The following RBFOX1 variants were observed in gnomAD, a reference collection of about 807,000 sequenced individuals.
RBFOX1 encodes RNA binding fox-1 homolog 1, also known as RNA binding protein fox-1 homolog 1.
In RBFOX1, 8 loss-of-function variants were observed where a neutral mutation model predicts 57.7. The ratio of observed to expected loss-of-function variants is 0.14; its 90% CI spans 0.08 to 0.25. RBFOX1 has a LOEUF of 0.25. Among genes scored for constraint, RBFOX1 ranks in the 10% least tolerant of loss-of-function variants. RBFOX1 has a pLI of 1.00. For missense variants in RBFOX1, 611 were observed against 548.5 expected, an observed-to-expected ratio of 1.11 and a Z score of -1.14; for synonymous variants, 326 against 222.4, an observed-to-expected ratio of 1.47 and a Z score of -4.15.
At chr16:6,933,671 T>C (rs2076920487) in intron 3 of RBFOX1, among the ~76,000 whole-genome samples, 3 of 152,330 alleles carry the variant, frequency 2.0e-5, no homozygotes, top group Admixed American at 2.0e-4. Flanking sequence ...CAAGATCGTA[T>C]GACTGCACAC....
At chr16:7,462,248 C>T (rs1266545537) in intron 4 of RBFOX1, among the ~76,000 whole-genome samples, 1 of 152,164 alleles carries the variant, frequency 6.6e-6, no homozygotes, top group Non-Finnish European at 1.5e-5. Flanking sequence ...TAACAAATCA[C>T]CACAAATTTA....
chr16:6,722,451 A>G (rs2066208548), intron 3 of RBFOX1, among the ~76,000 whole-genome samples: 1 of 152,212 alleles, frequency 6.6e-6, no homozygotes, highest in African/African-American at 2.4e-5. Context: ...ATTCTCTTCC[A>G]TCCACTCCTT....
intron 2 of RBFOX1, among the ~76,000 whole-genome samples, chr16:5,531,634 C>G (rs757811447): frequency 8.1e-6 from 1 of 123,194 alleles, no homozygotes; most frequent in Non-Finnish European, 1.6e-5. Context: ...ATTAGCAATA[C>G]CCCATGCCTT....
chr16:5,580,548 G>T (rs1232789042), intron 2 of RBFOX1, among the ~76,000 whole-genome samples: 2 of 152,228 alleles, frequency 1.3e-5, no homozygotes, highest in Admixed American at 6.5e-5. Flanking sequence ...GCTTGGCTGA[G>T]GTGCCAGCTC....
intron 3 of RBFOX1, among the ~76,000 whole-genome samples, chr16:6,897,787 C>G (rs1232500051): frequency 6.6e-6 from 1 of 152,142 alleles, no homozygotes; most frequent in Non-Finnish European, 1.5e-5. Flanking sequence ...GAGCGAGATT[C>G]CGTCTCAAAA....
chr16:7,620,622 T>A (rs1462370115), intron 10 of RBFOX1, among the ~76,000 whole-genome samples: 1 of 152,180 alleles, frequency 6.6e-6, no homozygotes, highest in Non-Finnish European at 1.5e-5. Flanking sequence ...AAGAGTCAGG[T>A]GTTTCCTGCC....
chr16:6,477,913 T>G (rs1353772811), intron 2 of RBFOX1, among the ~76,000 whole-genome samples: 1 of 152,184 alleles, frequency 6.6e-6, no homozygotes, highest in Non-Finnish European at 1.5e-5. Context: ...TACTCCTCCT[T>G]GCCTTCAACC....
At chr16:7,688,260 T>TGTGTGTGTGAGAGAGAGAGA (rs1319185243) in intron 14 of RBFOX1, among the ~76,000 whole-genome samples, 1 of 125,390 alleles carries the variant, frequency 8.0e-6, no homozygotes, top group African/African-American at 3.0e-5. Flanking sequence ...TGTGTGTGTG[T>TGTGTGTGTGAGAGAGAGAGA]GAGAGAGAGA....
chr16:5,828,338 A>G (rs1330869428), intron 3 of RBFOX1, among the ~76,000 whole-genome samples: 9 of 152,232 alleles, frequency 5.9e-5, no homozygotes. Context: ...ACATGGTATT[A>G]AAGGATAATA....
intron 3 of RBFOX1, among the ~76,000 whole-genome samples, chr16:6,954,149 A>T (rs1297429323): frequency 2.0e-5 from 3 of 152,190 alleles, no homozygotes; most frequent in African/African-American, 7.2e-5. Flanking sequence ...TACAGGTTAG[A>T]TCTAGTGGTT....
At chr16:7,273,204 C>CCTT (rs2095367580) in intron 4 of RBFOX1, among the ~76,000 whole-genome samples, 13 of 35,146 alleles carry the variant, frequency 3.7e-4, no homozygotes, top group Admixed American at 7.5e-4. Flanking sequence ...CTTCCTCCCT[C>CCTT]CCTTCCTTCC....
At chr16:6,221,096 C>G (rs1405233476) in intron 1 of RBFOX1, among the ~76,000 whole-genome samples, 3 of 152,020 alleles carry the variant, frequency 2.0e-5, no homozygotes, top group Admixed American at 6.5e-5. Context: ...AAAATTATCT[C>G]TTTAGGCCAT....
intron 4 of RBFOX1, among the ~76,000 whole-genome samples, chr16:7,151,246 C>T (rs1299653303): frequency 6.6e-6 from 1 of 152,166 alleles, no homozygotes. Flanking sequence ...GGGAGATGGG[C>T]CACATTTTTC....
At chr16:6,441,782 C>T (rs995882869) in intron 2 of RBFOX1, among the ~76,000 whole-genome samples, 6 of 152,138 alleles carry the variant, frequency 3.9e-5, no homozygotes, top group African/African-American at 9.7e-5. Flanking sequence ...CCATGTTTTA[C>T]GTCTCACAGC....
At chr16:6,910,862 T>A (rs767583565) in intron 3 of RBFOX1, among the ~76,000 whole-genome samples, 8 of 152,196 alleles carry the variant, frequency 5.3e-5, no homozygotes, top group Non-Finnish European at 8.8e-5. Flanking sequence ...CTCCATTTCA[T>A]GCTGGTCTTT....
At chr16:6,842,771 T>C (rs1395817568) in intron 3 of RBFOX1, among the ~76,000 whole-genome samples, 1 of 151,800 alleles carries the variant, frequency 6.6e-6, no homozygotes, top group African/African-American at 2.4e-5. Context: ...GTCATCTAGG[T>C]TTTAAGCCCG....
At chr16:5,560,589 C>A (rs2045856199) in intron 2 of RBFOX1, among the ~76,000 whole-genome samples, 1 of 152,166 alleles carries the variant, frequency 6.6e-6, no homozygotes, top group South Asian at 2.1e-4. Flanking sequence ...AATGTGGTGC[C>A]TATTTTTGGT....
intron 2 of RBFOX1, among the ~76,000 whole-genome samples, chr16:6,491,773 C>T (rs958881397): frequency 6.6e-6 from 1 of 152,178 alleles, no homozygotes; most frequent in Non-Finnish European, 1.5e-5. Flanking sequence ...ACTAAAAGGG[C>T]TGCTAATCAA....
At chr16:5,772,406 G>C (rs1391294894) in intron 3 of RBFOX1, among the ~76,000 whole-genome samples, 2 of 152,150 alleles carry the variant, frequency 1.3e-5, no homozygotes, top group African/African-American at 4.8e-5. Flanking sequence ...TGGGATTTCA[G>C]AGATTTTAGG....
Sources: gnomAD v4.1 joint callset for allele counts (sites outside exome capture counted in the v4.1 genomes callset) on GRCh38, gnomAD v4.1.1 for gene constraint, MANE v1.5 for transcripts, NCBI Gene and HGNC (gene_info 2026-07-23, HGNC 2026-07-21) for gene names.